PCNT: variants seen among roughly 807,000 people sequenced by gnomAD.
The protein encoded by PCNT is pericentrin.
PCNT carries 319 observed loss-of-function variants against 380.4 expected under a neutral mutation model. The ratio of observed to expected loss-of-function variants is 0.84; its 90% CI spans 0.77 to 0.92. The LOEUF is 0.92. Among genes scored for constraint, PCNT ranks in the 40% least tolerant of loss-of-function variants. PCNT has a pLI of 0.00. For missense variants in PCNT, 4,400 were observed against 4,255.3 expected (o/e 1.03, Z -0.95); for synonymous variants, 1,845 against 1,735.2 (o/e 1.06, Z -1.57).
intron 27 of PCNT, 80 bp from the exon 28 acceptor site, chr21:46,411,109 C>A: frequency 7.3e-7 from 1 of 1,373,988 alleles, no homozygotes; most frequent in Non-Finnish European, 1.0e-6. Flanking sequence ...AGAATGCATT[C>A]AGGATGTAAC....
At chr21:46,324,567 G>A (rs982907701) in intron 1 of PCNT, among the ~76,000 whole-genome samples, 1 of 119,652 alleles carries the variant, frequency 8.4e-6, no homozygotes, top group Non-Finnish European at 1.8e-5. Context: ...CTGCGTCGGG[G>A]GGGGTGGGGC....
chr21:46,355,704 G>C (rs1310395442), intron 12 of PCNT, 78 bp downstream of exon 12: 3 of 1,476,944 alleles, frequency 2.0e-6, no homozygotes, highest in African/African-American at 2.8e-5. Context: ...GGGTGCCTGG[G>C]TTCGATCCAA....
Position 46,390,848 on chromosome 21 carries a change from C to T in PCNT, c.4003+16C>T, listed in dbSNP as rs748493658. On this transcript the variant is annotated intron_variant, in intron 20 of 46. Coordinates refer to ENST00000359568, the MANE Select transcript of PCNT (RefSeq NM_006031.6). Reference sequence around the variant, plus strand: ...AAGACTCAGGGTGAGCAGCATGAGGCCTCGGGGCACCTGGAGCACAGGCAC... The same window carrying T: ...AAGACTCAGGGTGAGCAGCATGAGGTCTCGGGGCACCTGGAGCACAGGCAC... 5 of 1,602,970 alleles carry T rather than the reference C, an allele frequency of 3.1e-6. No individual in the cohort carries two copies. Among genetic ancestry groups the T allele is most frequent in the Admixed American group, 1.7e-5 (1 of 57,954 alleles).
intron 32 of PCNT, among the ~76,000 whole-genome samples, chr21:46,423,115 A>G (rs1007148463): frequency 4.6e-5 from 7 of 151,886 alleles, no homozygotes; most frequent in Admixed American, 2.6e-4. Flanking sequence ...TCTTTTTTTC[A>G]TTAAAATAAA....
intron 7 of PCNT, among the ~76,000 whole-genome samples, chr21:46,349,451 T>C (rs1249772740): frequency 6.6e-6 from 1 of 152,210 alleles, no homozygotes; most frequent in Non-Finnish European, 1.5e-5. Context: ...TTTGTGGTTG[T>C]TCACTTTTCA....
At chr21:46,444,487 A>G (rs1176155588) in intron 45 of PCNT, among the ~76,000 whole-genome samples, 1 of 152,150 alleles carries the variant, frequency 6.6e-6, no homozygotes. Context: ...TCAACTCTGG[A>G]ACATTGCACA....
Position 46,430,127 on chromosome 21 carries a change from A to C in PCNT, c.7808A>C (p.Gln2603Pro), listed in dbSNP as rs141449534. ...NSVQKLLAAE[Q>P]TVVRDLKSDL... ...GTGCAGAAGCTCCTGGCGGCGGAGCAGACTGTAGTGCGAGATTTGAAGTCC... is the reference window on the plus strand; with the variant it reads ...GTGCAGAAGCTCCTGGCGGCGGAGCCGACTGTAGTGCGAGATTTGAAGTCC... The change falls in exon 36 of 47, where the codon CAG becomes CCG. Residue 2603 changes from glutamine to proline, a missense_variant. By Grantham distance (76) the Gln-to-Pro change is moderately conservative. Transcript: ENST00000359568. The C allele has an allele frequency of 8.1e-6, 13 of 1,614,132 alleles. No individual in the cohort carries two copies. Among genetic ancestry groups the C allele is most frequent in the Admixed American group, 1.7e-5 (1 of 60,016 alleles).
chr21:46,373,395 T>A (rs894701216), intron 15 of PCNT, among the ~76,000 whole-genome samples: 14 of 152,034 alleles, frequency 9.2e-5, no homozygotes, highest in Non-Finnish European at 2.1e-4. Context: ...TAAGTTAGCT[T>A]TTTACTTTGC....
chr21:46,356,198 A>AT (rs1427227506), intron 12 of PCNT, among the ~76,000 whole-genome samples: 1 of 152,104 alleles, frequency 6.6e-6, no homozygotes, highest in Non-Finnish European at 1.5e-5. Context: ...GACTGTGCTG[A>AT]TGGTGGGGCT....
intron 15 of PCNT, among the ~76,000 whole-genome samples, chr21:46,378,243 C>T (rs891292916): frequency 3.3e-5 from 5 of 152,108 alleles, no homozygotes; most frequent in Non-Finnish European, 7.4e-5. Context: ...CTGTTTTTGT[C>T]TATACATACC....
At chr21:46,390,577 G>A (rs2085998875) in intron 19 of PCNT, 93 bp from the exon 20 acceptor site, 2 of 1,398,412 alleles carry the variant, frequency 1.4e-6, no homozygotes, top group East Asian at 2.3e-5. Flanking sequence ...ACGGCCTGAA[G>A]GGTCTGGGGG....
At chr21:46,416,922 T>TC in intron 30 of PCNT, 83 bp downstream of exon 30, 1 of 1,415,808 alleles carries the variant, frequency 7.1e-7, no homozygotes, top group South Asian at 1.2e-5. Context: ...CATTGTTTGT[T>TC]CACCTCCTGA....
At chr21:46,430,898 C>G (rs2087731842) in intron 37 of PCNT, 6 of 985,294 alleles carry the variant, frequency 6.1e-6, no homozygotes, top group Middle Eastern at 5.2e-4. Context: ...TCGGAGCCCC[C>G]CCCCGTCCCT....
intron 3 of PCNT, among the ~76,000 whole-genome samples, chr21:46,345,248 C>A (rs561635620): frequency 1.3e-5 from 2 of 152,084 alleles, no homozygotes; most frequent in South Asian, 4.1e-4. Context: ...GGTGGAGTCT[C>A]GCTCTGTTGC....
At chr21:46,375,600 T>G (rs1394153513) in intron 15 of PCNT, among the ~76,000 whole-genome samples, 1 of 134,512 alleles carries the variant, frequency 7.4e-6, no homozygotes, top group East Asian at 2.3e-4. Context: ...AAATCTCCTT[T>G]GAGCCGGCCC....
chr21:46,339,823 G>C (rs533517259), intron 3 of PCNT, among the ~76,000 whole-genome samples: 2 of 152,134 alleles, frequency 1.3e-5, no homozygotes, highest in African/African-American at 4.8e-5. Context: ...ATCACACCAG[G>C]TATGGCTTTT....
intron 32 of PCNT, among the ~76,000 whole-genome samples, chr21:46,423,607 C>T (rs1486161156): frequency 6.7e-6 from 1 of 148,934 alleles, no homozygotes; most frequent in Admixed American, 6.8e-5. Flanking sequence ...AATGTTAACT[C>T]TTCATACTTA....
chr21:46,358,630 T>TG (rs1173228227), intron 13 of PCNT, among the ~76,000 whole-genome samples: 5 of 149,048 alleles, frequency 3.4e-5, no homozygotes, highest in Non-Finnish European at 7.5e-5. Context: ...GTTGTTTTGT[T>TG]TTTTTTTTTT....
rs549899223 is a variant in PCNT, at chr21:46,352,807, C to T, written c.1457-297C>T. Among the ~76,000 whole-genome samples the T allele has an allele frequency of 3.4e-4, 52 of 152,280 alleles. 1 individual carries two copies. The highest frequency in any genetic ancestry group is 2.9e-3 in the Admixed American group (44 of 15,300). On this transcript the variant is annotated intron_variant, in intron 9 of 46. Coordinates refer to ENST00000359568, the MANE Select transcript of PCNT (RefSeq NM_006031.6). ...CTCGAGGTTGGTCTGGATCCAGTTT[C>T]CTGGGGCTGCAGGACCATCGTCTGT...
Sources: allele counts gnomAD v4.1 joint callset (sites outside exome capture counted in the v4.1 genomes callset), GRCh38; gene constraint gnomAD v4.1.1; transcripts MANE v1.5; gene names NCBI Gene and HGNC (gene_info 2026-07-23, HGNC 2026-07-21).